IL17RD: variants seen among roughly 807,000 people sequenced by gnomAD.
IL17RD encodes the protein interleukin-17 receptor D.
In IL17RD, 52 loss-of-function variants were observed where a neutral mutation model predicts 80.5. That is an observed-to-expected ratio of 0.65 (90% CI 0.52 to 0.81). The LOEUF is 0.81. Among genes scored for constraint, IL17RD ranks in the 40% least tolerant of loss-of-function variants. IL17RD has a pLI of 0.00. For missense variants in IL17RD, 1,024 were observed against 955.1 expected, an observed-to-expected ratio of 1.07 and a Z score of -0.95; for synonymous variants, 416 against 391.8, an observed-to-expected ratio of 1.06 and a Z score of -0.73.
In IL17RD at chr3:57,091,404, C is replaced by T. The variant is rs1218652177; in HGVS notation, c.*4989G>A. ...GTGACATATCATTTTGTGAAAGTGC[C>T]ATTATATTTTTAAGTGGTAAGAGGA... On this transcript the variant is annotated 3_prime_UTR_variant, in exon 13 of 13. Coordinates refer to ENST00000296318, the MANE Select transcript of IL17RD (RefSeq NM_017563.5). The T allele has an allele frequency of 2.0e-5, 3 of 152,598 alleles. No homozygotes were observed. The East Asian group carries it at 5.8e-4, about 29-fold the overall frequency. 9.5% of individuals were successfully genotyped at this position (152,598 alleles called of 1,614,324 possible). A position where few individuals can be genotyped will look rare whatever the true frequency, so the allele number is the denominator to read the frequency against.
intron 1 of IL17RD, among the ~76,000 whole-genome samples, chr3:57,133,291 G>A (rs974472637): frequency 4.6e-5 from 7 of 152,112 alleles, no homozygotes; most frequent in Middle Eastern, 3.2e-3. Flanking sequence ...ACTTTACATC[G>A]TCCTACTATT....
chr3:57,103,894 G>A (rs187613512), intron 8 of IL17RD, among the ~76,000 whole-genome samples: 72 of 152,014 alleles, frequency 4.7e-4, no homozygotes, highest in African/African-American at 1.6e-3. Flanking sequence ...TAGAAGAGAC[G>A]GGGTTTCACT....
At position 57,101,351 on chromosome 3, in the gene IL17RD, G is replaced by T; in HGVS notation, c.992C>A (p.Ser331Ter). The part of the protein sequence containing the change: ...CRKKQQENIY[S>*]HLDEESSESS... Reference sequence around the variant, plus strand: ...CTCAGAGCTCTCTTCATCTAAATGTGAATATATATTTTCTAAATTGGAAAA... The same window carrying T: ...CTCAGAGCTCTCTTCATCTAAATGTTAATATATATTTTCTAAATTGGAAAA... Residue 331 changes from serine to a stop codon, truncating the protein, a stop_gained, in exon 11 of 13, where the codon TCA becomes TAA. Transcript: ENST00000296318. LOFTEE classifies it high-confidence loss of function. 1 of 1,594,038 alleles carries T rather than the reference G, an allele frequency of 6.3e-7. No homozygotes were observed. The highest frequency in any genetic ancestry group is 1.1e-5 in the South Asian group (1 of 89,286).
intron 1 of IL17RD, among the ~76,000 whole-genome samples, chr3:57,144,024 A>G (rs1298746513): frequency 6.6e-6 from 1 of 152,216 alleles, no homozygotes; most frequent in Non-Finnish European, 1.5e-5. Flanking sequence ...TTCTCACCAG[A>G]AGCCAAGAGC....
intron 4 of IL17RD, 33 bp from the exon 5 acceptor site, chr3:57,109,690 G>T: frequency 6.2e-7 from 1 of 1,602,166 alleles, no homozygotes; most frequent in South Asian, 1.1e-5. Context: ...TGACATCATG[G>T]AGAAATTACC....
intron 9 of IL17RD, 83 bp from the exon 10 acceptor site, chr3:57,102,672 A>G: frequency 1.6e-6 from 1 of 608,706 alleles, no homozygotes; most frequent in South Asian, 3.0e-5. Context: ...TTTTAAACAT[A>G]AGCCGCATAA....
At chr3:57,106,335 A>G (rs1579266004) in intron 5 of IL17RD, among the ~76,000 whole-genome samples, 181 bp from the exon 6 acceptor site, 1 of 152,228 alleles carries the variant, frequency 6.6e-6, no homozygotes, top group Non-Finnish European at 1.5e-5. Context: ...TTTAAATGGT[A>G]TAATATAAAA....
intron 1 of IL17RD, among the ~76,000 whole-genome samples, chr3:57,129,785 T>C (rs1707568933): frequency 6.6e-6 from 1 of 152,354 alleles, no homozygotes; most frequent in African/African-American, 2.4e-5. Context: ...TCTGTCCACA[T>C]GGTGGTCTCG....
chr3:57,159,493 T>G (rs1379635077), intron 1 of IL17RD, among the ~76,000 whole-genome samples: 1 of 152,168 alleles, frequency 6.6e-6, no homozygotes, highest in Non-Finnish European at 1.5e-5. Flanking sequence ...ACAATGTGTT[T>G]CGGAGGCCAT....
rs1706641018 is a variant in IL17RD, at chr3:57,095,069, A to G, written c.*1324T>C. On this transcript the variant is annotated 3_prime_UTR_variant, in exon 13 of 13. Coordinates refer to ENST00000296318, the MANE Select transcript of IL17RD (RefSeq NM_017563.5). ...CCACCTTGCCTCAGGATGTTTCTCA[A>G]CATACCCCTTCATGTTGGTCTTATC... 1 of 152,476 alleles carries G rather than the reference A, an allele frequency of 6.6e-6. No homozygotes were observed. 9.4% of individuals were successfully genotyped at this position (152,476 alleles called of 1,614,324 possible).
At chr3:57,163,667 A>G (rs1414303859) in intron 1 of IL17RD, among the ~76,000 whole-genome samples, 1 of 152,038 alleles carries the variant, frequency 6.6e-6, no homozygotes, top group Non-Finnish European at 1.5e-5. Flanking sequence ...GAAACTTGCT[A>G]GCTACTAAAA....
chr3:57,165,249 G>A lies in IL17RD; in HGVS notation c.38C>T (p.Thr13Met). The change falls in exon 1 of 13, where the codon ACG becomes ATG. Residue 13 changes from threonine to methionine, a missense_variant. Transcript: ENST00000296318. ...CGAGCCGTTGAGGCAGGCGTTGACC[G>A]TAAAGAAGACGGAGCAGAGCTGCAG... ...PWLQLCSVFF[T>M]VNACLNGSQL... is the part of the protein sequence containing the mutation. The A allele has an allele frequency of 6.5e-7, 1 of 1,527,442 alleles. No individual in the cohort carries two copies. Among genetic ancestry groups the A allele is most frequent in the Non-Finnish European group, 8.8e-7 (1 of 1,137,626 alleles). 94.6% of individuals were successfully genotyped at this position (1,527,442 alleles called of 1,614,324 possible).
intron 1 of IL17RD, among the ~76,000 whole-genome samples, chr3:57,129,084 C>T (rs1480172934): frequency 1.3e-5 from 2 of 152,128 alleles, no homozygotes; most frequent in Non-Finnish European, 2.9e-5. Context: ...AAATGAGAAC[C>T]GCATGTTAGA....
intron 1 of IL17RD, among the ~76,000 whole-genome samples, chr3:57,161,295 A>C (rs1242433970): frequency 6.6e-6 from 1 of 152,242 alleles, no homozygotes; most frequent in Non-Finnish European, 1.5e-5. Context: ...CTGCAAGTGA[A>C]TGAAAATGCA....
intron 3 of IL17RD, among the ~76,000 whole-genome samples, chr3:57,112,082 G>A (rs1352288939): frequency 1.3e-5 from 2 of 152,156 alleles, no homozygotes; most frequent in African/African-American, 4.8e-5. Context: ...TGAGGCCGAG[G>A]GAAGAGGCAG....
chr3:57,165,271 G>C lies in IL17RD; in HGVS notation c.16C>G (p.Gln6Glu). Residue 6 changes from glutamine to glutamate, a missense_variant, in exon 1 of 13, where the codon CAG becomes GAG. By Grantham distance (29) the Gln-to-Glu change is conservative (BLOSUM62 2). Coordinates refer to ENST00000296318, the MANE Select transcript of IL17RD (RefSeq NM_017563.5). ...ACCGTAAAGAAGACGGAGCAGAGCT[G>C]CAGCCACGGGGCCATGGCCGTGCGC... Reference protein sequence around the residue: MAPWLQLCSVFFTVNA... With the variant: MAPWLELCSVFFTVNA... The C allele has an allele frequency of 6.6e-7, 1 of 1,510,164 alleles. No individual in the cohort carries two copies. Among genetic ancestry groups the C allele is most frequent in the Non-Finnish European group, 8.9e-7 (1 of 1,129,636 alleles). 93.5% of individuals were successfully genotyped at this position (1,510,164 alleles called of 1,614,324 possible).
At chr3:57,110,427 CT>C in intron 3 of IL17RD, 116 bp from the exon 4 acceptor site, 1 of 1,170,408 alleles carries the variant, frequency 8.5e-7, no homozygotes, top group African/African-American at 1.5e-5. Context: ...GGAATTCTAA[CT>C]GTGGCCAGGG....
In IL17RD at chr3:57,101,273, T is replaced by C. The variant is rs2107468604; in HGVS notation, c.1070A>G (p.Lys357Arg). The C allele has an allele frequency of 6.2e-7, 1 of 1,613,510 alleles. No homozygotes were observed. Among genetic ancestry groups the C allele is most frequent in the Non-Finnish European group, 8.5e-7 (1 of 1,179,554 alleles). Residue 357 changes from lysine (K) to arginine (R), a missense_variant, in exon 11 of 13, where the codon AAG (lysine) becomes AGG (arginine). Coordinates refer to ENST00000296318, the MANE Select transcript of IL17RD (RefSeq NM_017563.5). ...LPRERLRPRP[K>R]VFLCYSSKDG... is the part of the protein sequence containing the mutation. ...TTTACTGGAATAGCAGAGAAAGACCTTCGGCCGCGGCCGGAGCCTCTCTCT... is the reference window on the plus strand; with the variant it reads ...TTTACTGGAATAGCAGAGAAAGACCCTCGGCCGCGGCCGGAGCCTCTCTCT...
At chr3:57,128,706 C>G (rs56043932) in intron 1 of IL17RD, among the ~76,000 whole-genome samples, 2,434 of 152,168 alleles carry the variant, frequency 0.016, 60 homozygotes, top group African/African-American at 0.056. Flanking sequence ...ATGTTCTTCC[C>G]CACGCCTGAC....
Sources: gnomAD v4.1 joint callset for allele counts (sites outside exome capture counted in the v4.1 genomes callset) on GRCh38, gnomAD v4.1.1 for gene constraint, MANE v1.5 for transcripts, NCBI Gene and HGNC (gene_info 2026-07-23, HGNC 2026-07-21) for gene names.